The following ST6GALNAC3 variants were observed in gnomAD, a reference collection of about 807,000 sequenced individuals.
The protein encoded by ST6GALNAC3 is ST6 N-acetylgalactosaminide alpha-2,6-sialyltransferase 3.
In ST6GALNAC3, 25 loss-of-function variants were observed where a neutral mutation model predicts 32.7. The ratio of observed to expected loss-of-function variants is 0.76; its 90% CI spans 0.56 to 1.07. The LOEUF (loss-of-function observed/expected upper bound fraction) is 1.07. Among genes scored for constraint, ST6GALNAC3 ranks in the 50% least tolerant of loss-of-function variants. The pLI, the probability that ST6GALNAC3 is intolerant of heterozygous loss-of-function variation, is 0.00. For missense variants in ST6GALNAC3, 355 were observed against 382.4 expected (o/e 0.93, Z 0.60); for synonymous variants, 129 against 133.1 (o/e 0.97, Z 0.21).
At chr1:76,289,382 C>T (rs1394177715) in intron 1 of ST6GALNAC3, among the ~76,000 whole-genome samples, 1 of 152,202 alleles carries the variant, frequency 6.6e-6, no homozygotes, top group Non-Finnish European at 1.5e-5. Flanking sequence ...ATGTACTTAA[C>T]TTCTCTGTGC....
intron 1 of ST6GALNAC3, among the ~76,000 whole-genome samples, chr1:76,119,389 T>C (rs1648708308): frequency 6.6e-6 from 1 of 152,222 alleles, no homozygotes; most frequent in African/African-American, 2.4e-5. Flanking sequence ...TCTATAATGG[T>C]CCCATTCTAC....
intron 1 of ST6GALNAC3, among the ~76,000 whole-genome samples, chr1:76,214,863 C>G (rs931704270): frequency 1.3e-5 from 2 of 152,134 alleles, no homozygotes; most frequent in Non-Finnish European, 2.9e-5. Flanking sequence ...ACGAAGAGAG[C>G]ATGAGACTTG....
chr1:76,241,688 T>C (rs900561908), intron 1 of ST6GALNAC3, among the ~76,000 whole-genome samples: 1 of 152,232 alleles, frequency 6.6e-6, no homozygotes, highest in Non-Finnish European at 1.5e-5. Context: ...AAATACAAAC[T>C]GTATTTCACA....
intron 1 of ST6GALNAC3, among the ~76,000 whole-genome samples, chr1:76,249,377 T>G (rs1657483824): frequency 1.3e-5 from 2 of 152,182 alleles, no homozygotes; most frequent in Admixed American, 1.3e-4. Context: ...TATTTTAATT[T>G]TGTGATTTTG....
intron 3 of ST6GALNAC3, among the ~76,000 whole-genome samples, chr1:76,601,448 A>T (rs1253047934): frequency 1.3e-5 from 2 of 152,218 alleles, no homozygotes; most frequent in African/African-American, 2.4e-5. Flanking sequence ...GTAAAACTAC[A>T]TAAATCATTA....
intron 3 of ST6GALNAC3, among the ~76,000 whole-genome samples, chr1:76,570,914 T>G (rs527371815): frequency 6.6e-6 from 1 of 152,058 alleles, no homozygotes; most frequent in Admixed American, 6.6e-5. Flanking sequence ...ATTCCCAGCC[T>G]GCTGAGACTC....
intron 1 of ST6GALNAC3, among the ~76,000 whole-genome samples, chr1:76,111,590 C>G (rs1647946107): frequency 6.7e-6 from 1 of 149,624 alleles, no homozygotes; most frequent in Non-Finnish European, 1.5e-5. Context: ...CTGCGGCCTT[C>G]CGCAGTGTTT....
intron 3 of ST6GALNAC3, among the ~76,000 whole-genome samples, chr1:76,494,743 GCACACACACACA>G (rs34912507): frequency 1.5e-5 from 2 of 130,332 alleles, no homozygotes; most frequent in East Asian, 2.2e-4. Context: ...TCATGTGTAT[GCACACACACACA>G]CACACACACA....
chr1:76,439,809 G>A (rs563924140), intron 3 of ST6GALNAC3, among the ~76,000 whole-genome samples: 1 of 152,316 alleles, frequency 6.6e-6, no homozygotes, highest in Admixed American at 6.5e-5. Context: ...AGAGTCTACA[G>A]TAGAAAAGAT....
intron 1 of ST6GALNAC3, among the ~76,000 whole-genome samples, chr1:76,293,405 C>A (rs1660208093): frequency 2.0e-5 from 3 of 152,096 alleles, no homozygotes; most frequent in Admixed American, 2.0e-4. Context: ...ATCTTTAGCC[C>A]CATACAAATT....
At chr1:76,101,382 G>A (rs1211309223) in intron 1 of ST6GALNAC3, among the ~76,000 whole-genome samples, 6 of 152,096 alleles carry the variant, frequency 3.9e-5, no homozygotes, top group Non-Finnish European at 5.9e-5. Context: ...TTTTCTAGGT[G>A]TACCAGAATT....
intron 3 of ST6GALNAC3, among the ~76,000 whole-genome samples, chr1:76,572,410 G>A (rs571920770): frequency 3.3e-5 from 5 of 152,204 alleles, no homozygotes; most frequent in African/African-American, 9.6e-5. Flanking sequence ...AAAAATAAGA[G>A]TGAAGCTGTG....
At position 76,337,309 on chromosome 1, in the gene ST6GALNAC3, C is replaced by T. The variant is rs139017694; in HGVS notation, c.213+23310C>T. Among the ~76,000 whole-genome samples the T allele has an allele frequency of 5.3e-3, 809 of 152,284 alleles. 4 individuals carry two copies. Among genetic ancestry groups the T allele is most frequent in the Non-Finnish European group, 7.9e-3 (540 of 68,012 alleles). ...ACTCTAGAGTCTAGAGCCTGCTGGCCCAGAGGCAAGAGGGGTGCCAGATGT... is the reference window on the plus strand; with the variant it reads ...ACTCTAGAGTCTAGAGCCTGCTGGCTCAGAGGCAAGAGGGGTGCCAGATGT... On this transcript the variant is annotated intron_variant, in intron 2 of 4. Coordinates refer to ENST00000328299, the MANE Select transcript of ST6GALNAC3 (RefSeq NM_152996.4).
chr1:76,310,280 T>C (rs1015266398), intron 1 of ST6GALNAC3, among the ~76,000 whole-genome samples: 15 of 152,206 alleles, frequency 9.9e-5, no homozygotes, highest in African/African-American at 3.4e-4. Flanking sequence ...ACTTGTAAGA[T>C]CCATCACTTC....
At chr1:76,394,098 T>C (rs1161672756) in intron 2 of ST6GALNAC3, among the ~76,000 whole-genome samples, 2 of 152,158 alleles carry the variant, frequency 1.3e-5, no homozygotes, top group Non-Finnish European at 2.9e-5. Flanking sequence ...TACTATGGGA[T>C]AGATAGGGAG....
At chr1:76,512,209 GA>G (rs963147262) in intron 3 of ST6GALNAC3, among the ~76,000 whole-genome samples, 2 of 152,026 alleles carry the variant, frequency 1.3e-5, no homozygotes, top group African/African-American at 2.4e-5. Flanking sequence ...TTACTACTAT[GA>G]AAAAAATAGA....
chr1:76,204,626 A>G lies in ST6GALNAC3; in HGVS notation c.19-109179A>G, dbSNP rs140874813. Among the ~76,000 whole-genome samples the G allele has an allele frequency of 3.3e-5, 5 of 152,308 alleles. No homozygotes were observed. The East Asian group carries it at 9.6e-4, about 29-fold the overall frequency. ...TGTTTCTCAAATGGCACTATTCTGTATATTCCTATTGCACGACGTGTATCT... is the reference window on the plus strand; with the variant it reads ...TGTTTCTCAAATGGCACTATTCTGTGTATTCCTATTGCACGACGTGTATCT... On this transcript the variant is annotated intron_variant, in intron 1 of 4. Coordinates refer to ENST00000328299, the MANE Select transcript of ST6GALNAC3 (RefSeq NM_152996.4).
At chr1:76,457,306 C>T (rs951484519) in intron 3 of ST6GALNAC3, among the ~76,000 whole-genome samples, 4 of 152,078 alleles carry the variant, frequency 2.6e-5, no homozygotes, top group Admixed American at 6.5e-5. Flanking sequence ...TCAATGCCAT[C>T]CCCATCAAGC....
intron 1 of ST6GALNAC3, among the ~76,000 whole-genome samples, chr1:76,267,591 T>C (rs763414751): frequency 6.6e-6 from 1 of 152,182 alleles, no homozygotes; most frequent in Non-Finnish European, 1.5e-5. Context: ...TCTTTATGAT[T>C]CTTAGACTTG....
Sources: allele counts gnomAD v4.1 joint callset (sites outside exome capture counted in the v4.1 genomes callset), GRCh38; gene constraint gnomAD v4.1.1; transcripts MANE v1.5; gene names NCBI Gene and HGNC (gene_info 2026-07-23, HGNC 2026-07-21).